Variants in RBFOX1 observed in about 807,000 individuals in gnomAD.
RBFOX1 encodes the protein RNA binding fox-1 homolog 1.
In RBFOX1, 8 loss-of-function variants were observed where a neutral mutation model predicts 57.7. The observed-to-expected ratio is 0.14, with a 90% CI of 0.08 to 0.25. The LOEUF (loss-of-function observed/expected upper bound fraction) is 0.25, where lower values mean the gene tolerates loss of function less well. RBFOX1 is among the 10% of genes least tolerant of loss of function. The probability of loss-of-function intolerance (pLI) is 1.00; values close to 1 mark genes in which losing one functional copy is unlikely to be tolerated. For synonymous variants in RBFOX1, 326 were observed against 222.4 expected, an observed-to-expected ratio of 1.47 and a Z score of -4.15; for missense variants, 611 against 548.5, an observed-to-expected ratio of 1.11 and a Z score of -1.14.
At chr16:6,483,825 A>G (rs778362285) in intron 2 of RBFOX1, 4 of 1,308,924 alleles carry the variant, frequency 3.1e-6, no homozygotes, top group Non-Finnish European at 3.9e-6. Context: ...TGCTGATTAG[A>G]ATAGGGGACT....
chr16:6,015,306 T>G (rs1596407811), upstream of RBFOX1, among the ~76,000 whole-genome samples: 1 of 152,346 alleles, frequency 6.6e-6, no homozygotes, highest in East Asian at 1.9e-4. Flanking sequence ...ACTGGATGTT[T>G]ACACTGACCT....
intron 1 of RBFOX1, among the ~76,000 whole-genome samples, chr16:6,229,927 A>G (rs989170644): frequency 6.6e-6 from 1 of 152,086 alleles, no homozygotes; most frequent in African/African-American, 2.4e-5. Context: ...AGTGATCCTC[A>G]TCCCTTATTT....
intron 3 of RBFOX1, among the ~76,000 whole-genome samples, chr16:6,670,745 C>A (rs546378006): frequency 4.6e-5 from 7 of 152,092 alleles, no homozygotes; most frequent in Admixed American, 6.6e-5. Context: ...CGCCTGTAAT[C>A]CCAGCACTCT....
At chr16:7,013,154 T>C (rs1226140612) in intron 3 of RBFOX1, among the ~76,000 whole-genome samples, 3 of 152,144 alleles carry the variant, frequency 2.0e-5, no homozygotes, top group Non-Finnish European at 2.9e-5. Flanking sequence ...ACATACAAAT[T>C]TGTGGTGTAA....
At chr16:7,700,505 G>C (rs1439083593) in intron 14 of RBFOX1, among the ~76,000 whole-genome samples, 1 of 152,146 alleles carries the variant, frequency 6.6e-6, no homozygotes, top group Non-Finnish European at 1.5e-5. Flanking sequence ...TCTCATAAGG[G>C]ATACAATTTG....
rs1035749704 is a variant in RBFOX1, at chr16:7,217,828, A to T, written c.27+165730A>T. Among the ~76,000 whole-genome samples the T allele has an allele frequency of 7.9e-5, 12 of 152,224 alleles. No individual in the cohort carries two copies. The South Asian group carries it at 2.5e-3, about 32-fold the overall frequency. On this transcript the variant is annotated intron_variant, in intron 4 of 15. Transcript: ENST00000550418. ...GGAGTTCATCTGAAAGACTTACAGC[A>T]TTGTCACTACTCACTGCATGTGTGT...
At chr16:6,224,273 T>C (rs535649155) in intron 1 of RBFOX1, among the ~76,000 whole-genome samples, 1 of 152,194 alleles carries the variant, frequency 6.6e-6, no homozygotes, top group Non-Finnish European at 1.5e-5. Flanking sequence ...GGGGATGGCA[T>C]TGAATCTATA....
intron 3 of RBFOX1, among the ~76,000 whole-genome samples, chr16:6,927,142 G>A (rs994020591): frequency 1.3e-5 from 2 of 151,840 alleles, no homozygotes; most frequent in Admixed American, 6.6e-5. Flanking sequence ...AGACTTAGAG[G>A]GTCCCCACCC....
At chr16:7,456,470 G>C (rs779032311) in intron 4 of RBFOX1, among the ~76,000 whole-genome samples, 1 of 152,210 alleles carries the variant, frequency 6.6e-6, no homozygotes, top group African/African-American at 2.4e-5. Context: ...AAGACAGGAC[G>C]TGCCTCTCCA....
chr16:5,768,006 A>G (rs1472496684), intron 3 of RBFOX1, among the ~76,000 whole-genome samples: 2 of 152,228 alleles, frequency 1.3e-5, no homozygotes, highest in East Asian at 3.8e-4. Context: ...GCCACCCATC[A>G]GAATGAATGT....
At chr16:6,422,808 C>T (rs984851279) in intron 2 of RBFOX1, among the ~76,000 whole-genome samples, 3 of 152,180 alleles carry the variant, frequency 2.0e-5, no homozygotes, top group Admixed American at 2.0e-4. Flanking sequence ...CACCAGGCCC[C>T]ACCTCCAACA....
intron 3 of RBFOX1, among the ~76,000 whole-genome samples, chr16:5,853,538 A>G (rs375930747): frequency 2.0e-5 from 3 of 152,180 alleles, no homozygotes; most frequent in Non-Finnish European, 2.9e-5. Context: ...CCTGACTTGG[A>G]GATCTCTCTT....
intron 1 of RBFOX1, among the ~76,000 whole-genome samples, chr16:6,126,910 G>T (rs1275711807): frequency 1.3e-5 from 2 of 152,118 alleles, no homozygotes; most frequent in Non-Finnish European, 2.9e-5. Context: ...TCAGAAACAG[G>T]TTATGCCTTA....
At chr16:7,192,018 A>G (rs911339041) in intron 4 of RBFOX1, among the ~76,000 whole-genome samples, 25 of 152,358 alleles carry the variant, frequency 1.6e-4, no homozygotes, top group African/African-American at 5.8e-4. Context: ...ATCGTTTAAC[A>G]TTTTATTAGA....
chr16:6,533,998 T>C (rs1364355820), intron 2 of RBFOX1, among the ~76,000 whole-genome samples: 3 of 152,060 alleles, frequency 2.0e-5, no homozygotes, highest in East Asian at 1.9e-4. Context: ...CACACACACA[T>C]ACACACATAT....
intron 3 of RBFOX1, among the ~76,000 whole-genome samples, chr16:5,820,317 G>C (rs1320181978): frequency 6.6e-6 from 1 of 152,148 alleles, no homozygotes; most frequent in African/African-American, 2.4e-5. Context: ...GCACAGAGAC[G>C]TTTGCTAAAG....
At chr16:6,085,798 C>G (rs969464038) in intron 1 of RBFOX1, among the ~76,000 whole-genome samples, 1 of 152,174 alleles carries the variant, frequency 6.6e-6, no homozygotes, top group Non-Finnish European at 1.5e-5. Flanking sequence ...TCCATCTTAT[C>G]TCTGTAAAAT....
At chr16:6,637,149 T>G (rs1377808922) in intron 2 of RBFOX1, among the ~76,000 whole-genome samples, 1 of 92,334 alleles carries the variant, frequency 1.1e-5, no homozygotes, top group Admixed American at 1.9e-4. Context: ...ATATATAATA[T>G]ACAATATATA....
At chr16:5,971,030 A>G (rs1184950749) in intron 4 of RBFOX1, among the ~76,000 whole-genome samples, 3 of 152,202 alleles carry the variant, frequency 2.0e-5, no homozygotes, top group Non-Finnish European at 4.4e-5. Flanking sequence ...TCCATACCAG[A>G]GGATGCTCCC....
Sources: allele counts gnomAD v4.1 joint callset (sites outside exome capture counted in the v4.1 genomes callset), GRCh38; gene constraint gnomAD v4.1.1; transcripts MANE v1.5; gene names NCBI Gene and HGNC (gene_info 2026-07-23, HGNC 2026-07-21).